ITPKB: variants seen among roughly 807,000 people sequenced by gnomAD.
ITPKB encodes the protein IP3 3-kinase B.
Under a neutral mutation model 69.4 loss-of-function variants are expected in ITPKB, and 13 were observed. That is an observed-to-expected ratio of 0.19 (90% confidence interval 0.12 to 0.30). ITPKB has a LOEUF of 0.30. ITPKB is among the 10% of genes least tolerant of loss of function. The pLI is 1.00. For missense variants in ITPKB, 1,240 were observed against 1,250.5 expected (o/e 0.99, Z 0.13); for synonymous variants, 584 against 513.7 (o/e 1.14, Z -1.85).
intron 2 of ITPKB, among the ~76,000 whole-genome samples, chr1:226,687,447 A>ATCCCTTG: frequency 6.6e-6 from 1 of 152,244 alleles, no homozygotes; most frequent in East Asian, 1.9e-4. Flanking sequence ...TCACACCCTG[A>ATCCCTTG]TCCCTTGTTT....
chr1:226,735,965 C>T lies in ITPKB; in HGVS notation c.1494G>A (p.Arg498=). ...LKEPQCPPGD[R]VGVQPGNSRV... ...TGGAGTTCCCAGGCTGCACACCCAC[C>T]CTGTCCCCAGGAGGGCACTGAGGTT... is the stretch of plus-strand genomic sequence containing the variant. The change falls in exon 2 of 8, where the codon AGG becomes AGA. Residue 498 remains arginine, a synonymous_variant. Coordinates refer to ENST00000429204, the MANE Select transcript of ITPKB (RefSeq NM_002221.4). 4 of 1,614,060 alleles carry T rather than the reference C, an allele frequency of 2.5e-6. No homozygotes were observed. The highest frequency in any genetic ancestry group is 2.5e-6 in the Non-Finnish European group (3 of 1,180,000).
chr1:226,706,624 G>T (rs1656806771), intron 2 of ITPKB, among the ~76,000 whole-genome samples: 1 of 152,202 alleles, frequency 6.6e-6, no homozygotes, highest in East Asian at 1.9e-4. Context: ...TCCAGCTCTT[G>T]GATTTCACAG....
chr1:226,673,264 C>A (rs1190541124), intron 2 of ITPKB, among the ~76,000 whole-genome samples: 1 of 152,036 alleles, frequency 6.6e-6, no homozygotes, highest in Non-Finnish European at 1.5e-5. Flanking sequence ...GTCCCAGCTA[C>A]TCGGGAGGCT....
At chr1:226,719,383 TGTGGTCG>T (rs1217446181) in intron 2 of ITPKB, among the ~76,000 whole-genome samples, 1 of 152,232 alleles carries the variant, frequency 6.6e-6, no homozygotes, top group Non-Finnish European at 1.5e-5. Context: ...TACCGTGCCC[TGTGGTCG>T]GTCACTTGCC....
intron 2 of ITPKB, among the ~76,000 whole-genome samples, chr1:226,723,734 T>A (rs1331484399): frequency 6.6e-6 from 1 of 152,158 alleles, no homozygotes. Context: ...TGTGTCTGGA[T>A]GACCTCAGCC....
At chr1:226,654,755 G>A (rs914203288) in intron 2 of ITPKB, among the ~76,000 whole-genome samples, 1 of 152,170 alleles carries the variant, frequency 6.6e-6, no homozygotes, top group Non-Finnish European at 1.5e-5. Context: ...CATCCTCCCC[G>A]GGTCCTTCCC....
intron 2 of ITPKB, among the ~76,000 whole-genome samples, chr1:226,652,495 C>T (rs751492940): frequency 1.6e-4 from 25 of 152,198 alleles, no homozygotes; most frequent in Non-Finnish European, 1.0e-4. Flanking sequence ...GGGTTTATCC[C>T]GTGCCCCTCC....
At chr1:226,686,052 T>C (rs1656209959) in intron 2 of ITPKB, among the ~76,000 whole-genome samples, 1 of 152,090 alleles carries the variant, frequency 6.6e-6, no homozygotes, top group Non-Finnish European at 1.5e-5. Flanking sequence ...ACAAGGCAAG[T>C]TGCTAAAGGA....
At chr1:226,663,503 CTTTCT>C (rs1669439872) in intron 2 of ITPKB, among the ~76,000 whole-genome samples, 1 of 151,850 alleles carries the variant, frequency 6.6e-6, no homozygotes. Flanking sequence ...TTCAACATTT[CTTTCT>C]TTTCTTTTTT....
intron 7 of ITPKB, among the ~76,000 whole-genome samples, chr1:226,636,677 A>G (rs892478071): frequency 6.6e-6 from 1 of 152,046 alleles, no homozygotes; most frequent in Non-Finnish European, 1.5e-5. Context: ...AACTACCTAC[A>G]CAGCTGCAGG....
chr1:226,735,808 C>T lies in ITPKB; in HGVS notation c.1651G>A (p.Asp551Asn). Reference sequence around the variant, plus strand: ...TTCCTCAGGAAAGGCTTGTCCGGATCTTGGGGTAGCAGCTCCGGACTTGGG... The same window carrying T: ...TTCCTCAGGAAAGGCTTGTCCGGATTTTGGGGTAGCAGCTCCGGACTTGGG... ...ALPSPELLPQ[D>N]PDKPFLRKAC... is the part of the protein sequence containing the mutation. Residue 551 changes from aspartate (D) to asparagine (N), a missense_variant, in exon 2 of 8, where the codon GAT becomes AAT. Transcript: ENST00000429204. 2 of 1,608,326 alleles carry T rather than the reference C, an allele frequency of 1.2e-6. No individual in the cohort carries two copies. The highest frequency in any genetic ancestry group is 1.7e-6 in the Non-Finnish European group (2 of 1,175,466).
intron 2 of ITPKB, among the ~76,000 whole-genome samples, chr1:226,690,014 C>T (rs996136288): frequency 3.9e-5 from 6 of 152,198 alleles, no homozygotes; most frequent in African/African-American, 1.4e-4. Context: ...TCCAGTCTAC[C>T]ACTGATGGGC....
intron 2 of ITPKB, among the ~76,000 whole-genome samples, chr1:226,732,877 T>G (rs1298008472): frequency 2.0e-5 from 3 of 152,166 alleles, no homozygotes; most frequent in African/African-American, 7.2e-5. Flanking sequence ...AAATTTCAAG[T>G]GTCTGATCCC....
At chr1:226,701,057 A>G (rs1656624995) in intron 2 of ITPKB, among the ~76,000 whole-genome samples, 2 of 152,268 alleles carry the variant, frequency 1.3e-5, no homozygotes, top group South Asian at 4.2e-4. Flanking sequence ...ACTTCTCACA[A>G]TGTCCCAGCT....
At chr1:226,689,355 A>G (rs1160237443) in intron 2 of ITPKB, among the ~76,000 whole-genome samples, 1 of 152,172 alleles carries the variant, frequency 6.6e-6, no homozygotes, top group African/African-American at 2.4e-5. Flanking sequence ...CCTATTGTGG[A>G]GCAGCCTTTG....
At chr1:226,671,346 C>T (rs1669614182) in intron 2 of ITPKB, among the ~76,000 whole-genome samples, 1 of 152,238 alleles carries the variant, frequency 6.6e-6, no homozygotes, top group Non-Finnish European at 1.5e-5. Flanking sequence ...CCCCTGAGGG[C>T]AGGGACCGTG....
At chr1:226,682,446 T>C (rs992670140) in intron 2 of ITPKB, among the ~76,000 whole-genome samples, 1 of 152,112 alleles carries the variant, frequency 6.6e-6, no homozygotes, top group African/African-American at 2.4e-5. Context: ...CAAGCAGAAA[T>C]TTGAGTCCTA....
chr1:226,703,477 G>C (rs1571865779), intron 2 of ITPKB, among the ~76,000 whole-genome samples: 2 of 152,200 alleles, frequency 1.3e-5, no homozygotes, highest in South Asian at 2.1e-4. Context: ...CTTCGCCGCG[G>C]TTTCTTCCCC....
At chr1:226,701,826 A>G (rs1656649759) in intron 2 of ITPKB, among the ~76,000 whole-genome samples, 1 of 152,086 alleles carries the variant, frequency 6.6e-6, no homozygotes, top group African/African-American at 2.4e-5. Context: ...GTGACTGCAG[A>G]TGTCATGATG....
Sources: gnomAD v4.1 joint callset for allele counts (sites outside exome capture counted in the v4.1 genomes callset) on GRCh38, gnomAD v4.1.1 for gene constraint, MANE v1.5 for transcripts, NCBI Gene and HGNC (gene_info 2026-07-23, HGNC 2026-07-21) for gene names.